EEFSEC: variants seen among roughly 807,000 people sequenced by gnomAD.
EEFSEC encodes eukaryotic elongation factor, selenocysteine-tRNA specific.
EEFSEC carries 43 observed loss-of-function variants against 42.1 expected under a neutral mutation model. The ratio of observed to expected loss-of-function variants is 1.02; its 90% CI spans 0.80 to 1.32. EEFSEC has a LOEUF of 1.32. Ranked by LOEUF, EEFSEC falls within the 40% of genes most tolerant of loss-of-function variation. The pLI, the probability that EEFSEC is intolerant of heterozygous loss-of-function variation, is 0.00. For synonymous variants in EEFSEC, 354 were observed against 339.1 expected (o/e 1.04, Z -0.48); for missense variants, 745 against 803.6 (o/e 0.93, Z 0.88).
chr3:128,257,840 C>T (rs1023796227), intron 2 of EEFSEC, among the ~76,000 whole-genome samples: 23 of 152,106 alleles, frequency 1.5e-4, no homozygotes, highest in Middle Eastern at 3.2e-3. Flanking sequence ...AGCTGTCCCC[C>T]CCCAGCATGG....
chr3:128,214,675 A>G (rs2065791535), intron 1 of EEFSEC, among the ~76,000 whole-genome samples: 1 of 152,242 alleles, frequency 6.6e-6, no homozygotes, highest in Admixed American at 6.5e-5. Context: ...TATTCAATAG[A>G]AAATGACCTA....
intron 6 of EEFSEC, among the ~76,000 whole-genome samples, chr3:128,369,142 C>A (rs2067624784): frequency 6.6e-6 from 1 of 152,180 alleles, no homozygotes. Context: ...ACTGGCCCAC[C>A]AGACCCTGAA....
intron 1 of EEFSEC, among the ~76,000 whole-genome samples, chr3:128,186,486 A>C (rs1470455890): frequency 2.6e-5 from 4 of 152,210 alleles, no homozygotes; most frequent in Non-Finnish European, 5.9e-5. Flanking sequence ...CATATCTAAG[A>C]AATAAGTGCT....
chr3:128,213,091 G>A (rs1576549621), intron 1 of EEFSEC, among the ~76,000 whole-genome samples: 1 of 152,354 alleles, frequency 6.6e-6, no homozygotes, highest in African/African-American at 2.4e-5. Context: ...CCTCATGGGT[G>A]GTATTTCTCC....
At chr3:128,258,213 C>T (rs1316544928) in intron 2 of EEFSEC, among the ~76,000 whole-genome samples, 2 of 152,132 alleles carry the variant, frequency 1.3e-5, no homozygotes, top group African/African-American at 4.8e-5. Context: ...TCTTTGTGCC[C>T]AGGCTGGCAC....
At chr3:128,223,615 A>G (rs2065881217) in intron 1 of EEFSEC, among the ~76,000 whole-genome samples, 1 of 152,246 alleles carries the variant, frequency 6.6e-6, no homozygotes, top group African/African-American at 2.4e-5. Flanking sequence ...AAAAGAGTGT[A>G]CCTTTAAGTA....
intron 6 of EEFSEC, among the ~76,000 whole-genome samples, chr3:128,404,630 G>A (rs955513613): frequency 6.6e-6 from 1 of 152,222 alleles, no homozygotes; most frequent in Non-Finnish European, 1.5e-5. Context: ...CAGGCCAGGC[G>A]CTCACTTGAG....
At chr3:128,245,839 T>C (rs2066121244) in intron 1 of EEFSEC, among the ~76,000 whole-genome samples, 1 of 151,944 alleles carries the variant, frequency 6.6e-6, no homozygotes, top group Non-Finnish European at 1.5e-5. Context: ...AGAAAGGCCC[T>C]CCCTCCTCCA....
chr3:128,378,686 C>G (rs764266336), intron 6 of EEFSEC, among the ~76,000 whole-genome samples: 1 of 152,188 alleles, frequency 6.6e-6, no homozygotes. Flanking sequence ...ACTCAGGCAG[C>G]CCTCTCTCCT....
chr3:128,235,945 T>G (rs113933701), intron 1 of EEFSEC, among the ~76,000 whole-genome samples: 26 of 99,984 alleles, frequency 2.6e-4, no homozygotes, highest in Admixed American at 6.2e-4. Context: ...GGCAAAGGTT[T>G]GTTTGTTTGT....
At chr3:128,337,490 C>G (rs1013722864) in intron 4 of EEFSEC, among the ~76,000 whole-genome samples, 3 of 152,196 alleles carry the variant, frequency 2.0e-5, no homozygotes, top group Admixed American at 6.5e-5. Context: ...TGGCCGCCCT[C>G]TCTCACAGGA....
intron 1 of EEFSEC, among the ~76,000 whole-genome samples, chr3:128,197,734 A>G (rs1425852634): frequency 1.3e-5 from 2 of 152,096 alleles, no homozygotes; most frequent in African/African-American, 4.8e-5. Context: ...CAGGGTAGCA[A>G]CAATCTGATT....
chr3:128,290,075 AT>A (rs1451364428), intron 4 of EEFSEC, among the ~76,000 whole-genome samples: 1 of 152,080 alleles, frequency 6.6e-6, no homozygotes, highest in Non-Finnish European at 1.5e-5. Flanking sequence ...AAGGCTTTTA[AT>A]TTTGGTGAAC....
At chr3:128,204,149 A>T (rs954210932) in intron 1 of EEFSEC, among the ~76,000 whole-genome samples, 2 of 152,232 alleles carry the variant, frequency 1.3e-5, no homozygotes, top group African/African-American at 4.8e-5. Flanking sequence ...AACTATTAAG[A>T]GCACAGATTC....
At position 128,281,274 on chromosome 3, in the gene EEFSEC, C is replaced by T. The variant is rs1186447416; in HGVS notation, c.786+16493C>T. Among the ~76,000 whole-genome samples, 3 of 152,154 alleles carry T rather than the reference C, an allele frequency of 2.0e-5. 1 individual carries two copies. The highest frequency in any genetic ancestry group is 4.1e-4 in the South Asian group (2 of 4,826). On this transcript the variant is annotated intron_variant, in intron 4 of 6. Transcript: ENST00000254730. ...GGTTTATAACATCCCTGGAGCTGGC[C>T]CCTAATTTGGCTCCTCCATGGCCCA... is the stretch of plus-strand genomic sequence containing the variant.
chr3:128,236,304 C>T (rs900618682), intron 1 of EEFSEC, among the ~76,000 whole-genome samples: 3 of 152,180 alleles, frequency 2.0e-5, no homozygotes, highest in South Asian at 2.1e-4. Context: ...TGAGGTGACT[C>T]GGCCTCCTGT....
chr3:128,246,098 A>G (rs529994272), intron 1 of EEFSEC, among the ~76,000 whole-genome samples: 1 of 152,332 alleles, frequency 6.6e-6, no homozygotes, highest in East Asian at 1.9e-4. Context: ...CAGTCACTTC[A>G]CTGGCTAACA....
At chr3:128,416,595 G>A in the EEFSEC span, among the ~76,000 whole-genome samples, 9 of 152,196 alleles carry the variant, frequency 5.9e-5, no homozygotes, top group Non-Finnish European at 1.0e-4. Context: ...GTGACAGAGT[G>A]GGAGTGGGGT....
At chr3:128,355,559 C>T (rs2067442395) in intron 5 of EEFSEC, among the ~76,000 whole-genome samples, 1 of 143,502 alleles carries the variant, frequency 7.0e-6, no homozygotes, top group East Asian at 2.1e-4. Context: ...CAATTATTTA[C>T]TTTTAATATG....
Sources: gnomAD v4.1 joint callset for allele counts (sites outside exome capture counted in the v4.1 genomes callset) on GRCh38, gnomAD v4.1.1 for gene constraint, MANE v1.5 for transcripts, NCBI Gene and HGNC (gene_info 2026-07-23, HGNC 2026-07-21) for gene names.